Variants in NAF1 observed in about 807,000 individuals in gnomAD.
The protein encoded by NAF1 is nuclear assembly factor 1 ribonucleoprotein, also known as H/ACA ribonucleoprotein complex non-core subunit NAF1.
A neutral mutation model predicts 40.6 loss-of-function variants in NAF1; 11 were observed. The ratio of observed to expected loss-of-function variants is 0.27; its 90% CI spans 0.17 to 0.45. The LOEUF (loss-of-function observed/expected upper bound fraction) is 0.45, where lower values mean the gene tolerates loss of function less well. Ranked by LOEUF, NAF1 falls within the 20% of genes least tolerant of loss-of-function variation. NAF1 has a pLI of 1.00. For synonymous variants in NAF1, 260 were observed against 228.5 expected (o/e 1.14, Z -1.24); for missense variants, 607 against 611.1 (o/e 0.99, Z 0.07).
downstream of NAF1, among the ~76,000 whole-genome samples, chr4:163,123,111 T>A (rs1025736511): frequency 3.3e-5 from 5 of 152,228 alleles, no homozygotes; most frequent in African/African-American, 1.2e-4. Flanking sequence ...CACCAACATC[T>A]GCCTCTGGTT....
intron 6 of NAF1, chr4:163,136,041 G>A (rs1731043056): frequency 6.6e-6 from 1 of 152,154 alleles, no homozygotes; most frequent in African/African-American, 2.4e-5. Flanking sequence ...CTGGTTAAGT[G>A]ATTCATACCT....
At chr4:163,140,197 G>A in intron 5 of NAF1, 26 bp downstream of exon 5, 2 of 1,544,716 alleles carry the variant, frequency 1.3e-6, no homozygotes, top group Non-Finnish European at 1.7e-6. Flanking sequence ...GGTAAGTGAA[G>A]AACAACATGC....
At chr4:163,157,349 T>TA (rs893656343) in intron 2 of NAF1, 17 of 152,040 alleles carry the variant, frequency 1.1e-4, no homozygotes, top group African/African-American at 3.6e-4. Flanking sequence ...CCACAAATAC[T>TA]AAAAACACAG....
At chr4:163,115,133 G>C (rs1730286962) in intron 2 of NAF1, among the ~76,000 whole-genome samples, 1 of 151,168 alleles carries the variant, frequency 6.6e-6, no homozygotes, top group Non-Finnish European at 1.5e-5. Flanking sequence ...CCACAGGCAT[G>C]AAAGACTCTA....
At chr4:163,124,247 T>C (rs918080216), downstream of NAF1, among the ~76,000 whole-genome samples, 3 of 152,158 alleles carry the variant, frequency 2.0e-5, no homozygotes, top group African/African-American at 7.2e-5. Context: ...ATGAAGGCAT[T>C]AGCAGGTTTA....
intron 6 of NAF1, among the ~76,000 whole-genome samples, chr4:163,136,961 A>C (rs1234467188): frequency 2.6e-5 from 4 of 152,236 alleles, no homozygotes; most frequent in Admixed American, 6.5e-5. Context: ...ATAATTATTA[A>C]AATACAACTA....
downstream of NAF1, among the ~76,000 whole-genome samples, chr4:163,125,248 T>C (rs1474813974): frequency 6.6e-6 from 1 of 152,228 alleles, no homozygotes; most frequent in African/African-American, 2.4e-5. Context: ...CATCTCTCAC[T>C]TTACATCAAA....
chr4:163,165,804 G>C (rs144045230), intron 1 of NAF1, among the ~76,000 whole-genome samples: 9 of 152,088 alleles, frequency 5.9e-5, no homozygotes, highest in Admixed American at 2.6e-4. Flanking sequence ...CTCACAAAAC[G>C]TAAGAAGCAT....
At chr4:163,118,459 A>T (rs1167612906) in intron 2 of NAF1, among the ~76,000 whole-genome samples, 1 of 152,226 alleles carries the variant, frequency 6.6e-6, no homozygotes, top group Non-Finnish European at 1.5e-5. Flanking sequence ...GACAGAAATA[A>T]AACCTATTTT....
chr4:163,142,996 A>G (rs1248561077), intron 4 of NAF1, among the ~76,000 whole-genome samples: 2 of 152,206 alleles, frequency 1.3e-5, no homozygotes, highest in African/African-American at 2.4e-5. Flanking sequence ...GAAGTAATAG[A>G]TTGTAAGGAG....
chr4:163,126,877 A>G (rs1312218332), downstream of NAF1: 2 of 1,429,606 alleles, frequency 1.4e-6, no homozygotes, highest in East Asian at 5.2e-5. Flanking sequence ...CCAACAGCTA[A>G]AAGACTGTAA....
rs188005837 is a variant in NAF1, at chr4:163,120,051, T to C, written c.115-9761A>G. On this transcript the variant is annotated intron_variant, in intron 2 of 2. Coordinates refer to the NAF1 transcript ENST00000509434. ...ATAAATCAACTATTAAGAAAGCTTA[T>C]ATAATTGAGCCTAACAGTGCCAAAT... 5 of 152,384 alleles carry C rather than the reference T, an allele frequency of 3.3e-5. No individual in the cohort carries two copies. The East Asian group carries it at 5.8e-4, about 18-fold the overall frequency. 9.4% of individuals were successfully genotyped at this position (152,384 alleles called of 1,614,324 possible).
rs1421701393 is a variant in NAF1, at chr4:163,148,391, T to A, written c.584A>T (p.Asp195Val). Residue 195 changes from aspartate (D) to valine (V), a missense_variant, in exon 3 of 8, where the codon GAT becomes GTT. By Grantham distance (152) the Asp-to-Val change is radical. This residue lies in a region of NAF1 where 407 missense variants were observed against 365.5 expected (regional missense o/e 1.11). Transcript: ENST00000274054. ...CATCCCAAGAGGCTTTAACTCAATA[T>A]CTTCAGGCAGAATAATAGTGAGTTC... ...VEELTIILPE[D>V]IELKPLGMVS... 3.2e-6 allele frequency: 5 copies of A among 1,584,178 alleles called. No individual in the cohort carries two copies. The highest frequency in any genetic ancestry group is 4.3e-6 in the Non-Finnish European group (5 of 1,170,114).
At chr4:163,111,708 T>C (rs548189162) in intron 2 of NAF1, among the ~76,000 whole-genome samples, 1 of 152,218 alleles carries the variant, frequency 6.6e-6, no homozygotes, top group South Asian at 2.1e-4. Context: ...AGAGAATCAA[T>C]TAGAAAAGGG....
At position 163,129,016 on chromosome 4, in the gene NAF1, T is replaced by C. The variant is rs377276002; in HGVS notation, c.1366A>G (p.Met456Val). The C allele has an allele frequency of 1.9e-6, 3 of 1,540,432 alleles. No individual in the cohort carries two copies. Among genetic ancestry groups the C allele is most frequent in the African/African-American group, 2.8e-5 (2 of 70,372 alleles). The change falls in exon 8 of 8, where the codon ATG (methionine) becomes GTG (valine). Residue 456 changes from methionine to valine, a missense_variant. This residue lies in a region of NAF1 where 189 missense variants were observed against 216.6 expected (regional missense o/e 0.87). Coordinates refer to ENST00000274054, the MANE Select transcript of NAF1 (RefSeq NM_138386.3). ...PVNMGWATPN[M>V]AAHPLLNLPY... Reference sequence around the variant, plus strand: ...AAGTTAAGTAATGGATGAGCAGCCATGTTTGGTGTAGCCCAACCCATGTTT... The same window carrying C: ...AAGTTAAGTAATGGATGAGCAGCCACGTTTGGTGTAGCCCAACCCATGTTT...
chr4:163,164,292 A>G lies in NAF1; in HGVS notation c.465T>C (p.Asp155=). ...SCISLPPVLS[D]GDDDLQIEKE... Reference sequence around the variant, plus strand: ...TCTCAATTTGTAAATCATCATCTCCATCTGACAGCACTGGAGGAAGTGATA... The same window carrying G: ...TCTCAATTTGTAAATCATCATCTCCGTCTGACAGCACTGGAGGAAGTGATA... The change falls in exon 2 of 8, where the codon GAT becomes GAC. Residue 155 remains aspartate (D), a synonymous_variant. Transcript: ENST00000274054. 1.3e-6 allele frequency: 2 copies of G among 1,595,812 alleles called. No individual in the cohort carries two copies. Among genetic ancestry groups the G allele is most frequent in the Non-Finnish European group, 1.7e-6 (2 of 1,173,966 alleles).
downstream of NAF1, among the ~76,000 whole-genome samples, chr4:163,105,967 A>C (rs1730045429): frequency 6.6e-6 from 1 of 152,218 alleles, no homozygotes; most frequent in African/African-American, 2.4e-5. Context: ...GTTTACTTCT[A>C]AACATTTTGT....
At chr4:163,104,678 A>C in the NAF1 span, among the ~76,000 whole-genome samples, 1 of 152,242 alleles carries the variant, frequency 6.6e-6, no homozygotes. Context: ...GGTCAGAAAG[A>C]TCACTAAGGA....
chr4:163,135,761 C>T (rs1731031926), intron 6 of NAF1: 2 of 152,174 alleles, frequency 1.3e-5, no homozygotes, highest in South Asian at 4.2e-4. Context: ...TGCATTGCAG[C>T]CTGGGCAGAA....
Sources: allele counts gnomAD v4.1 joint callset (sites outside exome capture counted in the v4.1 genomes callset), GRCh38; gene constraint gnomAD v4.1.1; regional missense constraint gnomAD v4.1.1; transcripts MANE v1.5; gene names NCBI Gene and HGNC (gene_info 2026-07-23, HGNC 2026-07-21).